The following UNC5C variants were observed in gnomAD, a reference collection of about 807,000 sequenced individuals.
UNC5C encodes netrin receptor UNC5C.
UNC5C carries 47 observed loss-of-function variants against 99.8 expected under a neutral mutation model. That is an observed-to-expected ratio of 0.47 (90% CI 0.37 to 0.60). The LOEUF is 0.60. UNC5C is among the 20% of genes least tolerant of loss of function. UNC5C has a pLI of 0.00. For synonymous variants in UNC5C, 487 were observed against 452.2 expected (o/e 1.08, Z -0.98); for missense variants, 1,062 against 1,165.9 (o/e 0.91, Z 1.30).
At chr4:95,463,332 T>C (rs1322407732) in intron 1 of UNC5C, among the ~76,000 whole-genome samples, 1 of 152,040 alleles carries the variant, frequency 6.6e-6, no homozygotes, top group African/African-American at 2.4e-5. Context: ...GAAGAAGTCG[T>C]GGTAAGAGCA....
intron 2 of UNC5C, among the ~76,000 whole-genome samples, chr4:95,327,312 T>C (rs1742924967): frequency 3.3e-5 from 5 of 152,098 alleles, no homozygotes; most frequent in Admixed American, 2.6e-4. Flanking sequence ...TATTTGTCCA[T>C]ATTGGGGATT....
At chr4:95,287,388 T>C (rs1741274900) in intron 3 of UNC5C, among the ~76,000 whole-genome samples, 1 of 152,226 alleles carries the variant, frequency 6.6e-6, no homozygotes, top group African/African-American at 2.4e-5. Flanking sequence ...TAATTCTTGA[T>C]GATTACTTAG....
chr4:95,431,050 C>T (rs1746622862), intron 1 of UNC5C, among the ~76,000 whole-genome samples: 1 of 152,070 alleles, frequency 6.6e-6, no homozygotes, highest in African/African-American at 2.4e-5. Flanking sequence ...TTCTCTCTAG[C>T]CCCTATGTCT....
chr4:95,176,945 T>C lies in UNC5C; in HGVS notation c.2451+5952A>G, dbSNP rs1736381353. On this transcript the variant is annotated intron_variant, in intron 14 of 15. Transcript: ENST00000453304. ...CCAGGTGCGGGATATAATCTCCTGG[T>C]GTGCCGTTTTTTAAGCCCGTGGGAA... 2.0e-5 allele frequency among the ~76,000 whole-genome samples: 3 copies of C among 152,152 alleles called. No individual in the cohort carries two copies. In the South Asian group the frequency reaches 6.2e-4, roughly 32 times the overall value.
chr4:95,259,814 A>G (rs1281934252), intron 4 of UNC5C, among the ~76,000 whole-genome samples: 1 of 152,228 alleles, frequency 6.6e-6, no homozygotes, highest in South Asian at 2.1e-4. Flanking sequence ...GGCATAAATG[A>G]TAGGCAATTT....
In UNC5C at chr4:95,532,785, G is replaced by C. The variant is rs182906897; in HGVS notation, c.124+15949C>G. Among the ~76,000 whole-genome samples the C allele has an allele frequency of 4.3e-4, 65 of 152,226 alleles. No individual in the cohort carries two copies. The East Asian group carries it at 0.011, about 25-fold the overall frequency. The stretch of plus-strand genomic sequence containing the variant: ...CACTGGAACAGCCTGTGCCAAATTT[G>C]GGAGGGTTCATGGTCCGGGAGATTG... On this transcript the variant is annotated intron_variant, in intron 1 of 15. Coordinates refer to ENST00000453304, the MANE Select transcript of UNC5C (RefSeq NM_003728.4).
At position 95,333,649 on chromosome 4, in the gene UNC5C, C is replaced by A. The variant is rs112806888; in HGVS notation, c.346+1761G>T. On this transcript the variant is annotated intron_variant, in intron 2 of 15. Transcript: ENST00000453304. ...TGACCAGTTAATGGGTGCAGCACAC[C>A]AACATGGCACATGTATACATATGTA... 3.5e-3 allele frequency among the ~76,000 whole-genome samples: 528 copies of A among 152,070 alleles called. 4 individuals are homozygous for A. Among genetic ancestry groups the A allele is most frequent in the African/African-American group, 0.012 (496 of 41,486 alleles).
intron 1 of UNC5C, among the ~76,000 whole-genome samples, chr4:95,516,455 T>A (rs10000289): frequency 0.051 from 7,738 of 152,256 alleles, 315 homozygotes; most frequent in Admixed American, 0.12. Context: ...TGATCTCCAA[T>A]TTTTGTGAAA....
chr4:95,222,278 A>G, intron 7 of UNC5C: 3 of 1,428,080 alleles, frequency 2.1e-6, no homozygotes, highest in Non-Finnish European at 2.8e-6. Context: ...TTGAAAAGAA[A>G]AAAAAATGAA....
At position 95,329,945 on chromosome 4, in the gene UNC5C, C is replaced by G. The variant is rs1011278652; in HGVS notation, c.346+5465G>C. 3.9e-5 allele frequency among the ~76,000 whole-genome samples: 6 copies of G among 152,160 alleles called. No homozygotes were observed. In the South Asian group the frequency reaches 1.2e-3, roughly 32 times the overall value. ...TGGCGATGATGATGATGATTTTAAG[C>G]CCCAACATCTAGCATTTATTTTATT... is the stretch of plus-strand genomic sequence containing the variant. On this transcript the variant is annotated intron_variant, in intron 2 of 15. Coordinates refer to ENST00000453304, the MANE Select transcript of UNC5C (RefSeq NM_003728.4).
chr4:95,361,145 G>A (rs1261154334), intron 1 of UNC5C, among the ~76,000 whole-genome samples: 2 of 152,062 alleles, frequency 1.3e-5, no homozygotes, highest in Non-Finnish European at 2.9e-5. Flanking sequence ...CATGTCTTTC[G>A]GAAACAATAT....
intron 1 of UNC5C, among the ~76,000 whole-genome samples, chr4:95,399,540 A>G (rs535094537): frequency 6.6e-6 from 1 of 152,002 alleles, no homozygotes; most frequent in Non-Finnish European, 1.5e-5. Context: ...CTATCTCCCC[A>G]CTTTTATCTA....
At chr4:95,176,345 T>A (rs2149346652) in intron 14 of UNC5C, among the ~76,000 whole-genome samples, 1 of 152,210 alleles carries the variant, frequency 6.6e-6, no homozygotes, top group East Asian at 1.9e-4. Flanking sequence ...CCAGTTTTTC[T>A]GCTCTGTTTT....
chr4:95,420,039 T>G (rs2149455691), intron 1 of UNC5C, among the ~76,000 whole-genome samples: 1 of 152,302 alleles, frequency 6.6e-6, no homozygotes, highest in South Asian at 2.1e-4. Context: ...TATCAACATT[T>G]CCTCTTGAGA....
chr4:95,206,555 G>A, intron 11 of UNC5C, 73 bp downstream of exon 11: 2 of 1,589,174 alleles, frequency 1.3e-6, no homozygotes, highest in East Asian at 2.2e-5. Context: ...TAAATAAAAG[G>A]CCTCCCATAA....
intron 1 of UNC5C, among the ~76,000 whole-genome samples, chr4:95,421,754 C>T (rs1178030004): frequency 6.6e-6 from 1 of 152,152 alleles, no homozygotes; most frequent in East Asian, 1.9e-4. Flanking sequence ...CAAAGTAACA[C>T]TCTTCTTACT....
At chr4:95,314,893 A>C (rs1742415570) in intron 2 of UNC5C, among the ~76,000 whole-genome samples, 1 of 152,228 alleles carries the variant, frequency 6.6e-6, no homozygotes. Context: ...TTTGAAAAAT[A>C]TTGCAAACAT....
chr4:95,457,607 G>A (rs1159410892), intron 1 of UNC5C, among the ~76,000 whole-genome samples: 1 of 151,552 alleles, frequency 6.6e-6, no homozygotes, highest in African/African-American at 2.4e-5. Flanking sequence ...TATTTCAGCA[G>A]CTGGAGTACC....
At chr4:95,501,491 T>A (rs577478031) in intron 1 of UNC5C, among the ~76,000 whole-genome samples, 1 of 152,148 alleles carries the variant, frequency 6.6e-6, no homozygotes, top group African/African-American at 2.4e-5. Context: ...AAACTTTTCA[T>A]AGGGCAAAGG....
Sources: allele counts gnomAD v4.1 joint callset (sites outside exome capture counted in the v4.1 genomes callset), GRCh38; gene constraint gnomAD v4.1.1; transcripts MANE v1.5; gene names NCBI Gene and HGNC (gene_info 2026-07-23, HGNC 2026-07-21).